Variants in TMEM26 observed in about 807,000 individuals in gnomAD.
TMEM26 encodes the protein transmembrane protein 26.
TMEM26 carries 38 observed loss-of-function variants against 28.8 expected under a neutral mutation model. The observed-to-expected ratio is 1.32, with a 90% confidence interval of 1.02 to 1.73. The LOEUF is 1.73. Ranked by LOEUF, TMEM26 falls within the 40% of genes most tolerant of loss-of-function variation. TMEM26 has a pLI of 0.00. For synonymous variants in TMEM26, 227 were observed against 182.9 expected, an observed-to-expected ratio of 1.24 and a Z score of -1.95; for missense variants, 518 against 447.1, an observed-to-expected ratio of 1.16 and a Z score of -1.43.
At chr10:61,440,922 AG>A (rs1403380534) in intron 1 of TMEM26, among the ~76,000 whole-genome samples, 1 of 152,222 alleles carries the variant, frequency 6.6e-6, no homozygotes, top group African/African-American at 2.4e-5. Flanking sequence ...AAGATAGTGT[AG>A]TATTTGCATA....
chr10:61,422,041 C>T (rs1470957375), intron 4 of TMEM26, among the ~76,000 whole-genome samples: 1 of 151,910 alleles, frequency 6.6e-6, no homozygotes, highest in Non-Finnish European at 1.5e-5. Flanking sequence ...AATTGACTTT[C>T]AGAAAAGAAA....
At chr10:61,429,408 T>C (rs1308995120) in intron 3 of TMEM26, among the ~76,000 whole-genome samples, 1 of 152,120 alleles carries the variant, frequency 6.6e-6, no homozygotes, top group Non-Finnish European at 1.5e-5. Context: ...TTGTACCATA[T>C]AGTATTTAAA....
intron 4 of TMEM26, chr10:61,414,142 A>G: frequency 1.4e-6 from 1 of 733,816 alleles, no homozygotes; most frequent in Non-Finnish European, 1.7e-6. Context: ...GATGGATACA[A>G]CATATATTTA....
At chr10:61,439,288 C>A (rs959610764) in intron 1 of TMEM26, among the ~76,000 whole-genome samples, 2 of 152,192 alleles carry the variant, frequency 1.3e-5, no homozygotes, top group Non-Finnish European at 2.9e-5. Context: ...CTAATGCAAG[C>A]TCCATGAAGG....
At chr10:61,433,051 C>T (rs1000784150) in intron 2 of TMEM26, among the ~76,000 whole-genome samples, 19 of 152,256 alleles carry the variant, frequency 1.2e-4, no homozygotes, top group African/African-American at 4.6e-4. Context: ...TGAAAACAGA[C>T]TATGTATTAA....
intron 4 of TMEM26, among the ~76,000 whole-genome samples, chr10:61,417,711 T>A (rs977541157): frequency 4.6e-5 from 7 of 151,998 alleles, no homozygotes; most frequent in Admixed American, 4.6e-4. Context: ...TTCTTTTTAG[T>A]ACATGATCTA....
chr10:61,438,517 A>C (rs1001601042), intron 1 of TMEM26, among the ~76,000 whole-genome samples: 12 of 152,214 alleles, frequency 7.9e-5, no homozygotes, highest in African/African-American at 2.9e-4. Context: ...TAATGTAACA[A>C]TAATAATCTA....
intron 1 of TMEM26, among the ~76,000 whole-genome samples, chr10:61,438,049 T>A (rs1169780835): frequency 6.6e-6 from 1 of 152,162 alleles, no homozygotes; most frequent in Admixed American, 6.5e-5. Flanking sequence ...ATGATTTTTT[T>A]AAAGGCTATT....
At chr10:61,425,901 G>A (rs1035335876) in intron 4 of TMEM26, among the ~76,000 whole-genome samples, 29 of 152,148 alleles carry the variant, frequency 1.9e-4, no homozygotes, top group Admixed American at 2.6e-4. Context: ...AAAAATTAAA[G>A]CTATACTTAA....
At chr10:61,419,071 G>T (rs1260313139) in intron 4 of TMEM26, among the ~76,000 whole-genome samples, 1 of 151,984 alleles carries the variant, frequency 6.6e-6, no homozygotes, top group African/African-American at 2.4e-5. Context: ...AATAAAACTA[G>T]GAATTTTTAA....
chr10:61,428,267 G>T (rs530864124), intron 4 of TMEM26, among the ~76,000 whole-genome samples: 1 of 152,038 alleles, frequency 6.6e-6, no homozygotes, highest in African/African-American at 2.4e-5. Flanking sequence ...AAGTCGTTCC[G>T]TAAACAGATG....
chr10:61,445,791 T>G (rs986564862), intron 1 of TMEM26, among the ~76,000 whole-genome samples: 1 of 152,156 alleles, frequency 6.6e-6, no homozygotes, highest in Admixed American at 6.5e-5. Flanking sequence ...GTGGGGAATA[T>G]ACACATGGGG....
At chr10:61,417,691 G>A (rs1839676337) in intron 4 of TMEM26, among the ~76,000 whole-genome samples, 1 of 151,990 alleles carries the variant, frequency 6.6e-6, no homozygotes, top group Non-Finnish European at 1.5e-5. Context: ...GTAATGCTGT[G>A]AGAATAGAAT....
chr10:61,441,692 C>G (rs1412284823), intron 1 of TMEM26, among the ~76,000 whole-genome samples: 1 of 152,106 alleles, frequency 6.6e-6, no homozygotes, highest in East Asian at 1.9e-4. Context: ...GTATATGATT[C>G]AATGACTAAT....
chr10:61,412,819 C>T (rs1839589048), intron 5 of TMEM26: 9 of 423,930 alleles, frequency 2.1e-5, no homozygotes, highest in East Asian at 1.1e-4. Context: ...TTGGTGGGTC[C>T]CCTGTTGAAC....
At position 61,410,464 on chromosome 10, in the gene TMEM26, A is replaced by T. The variant is rs749825520; in HGVS notation, c.965T>A (p.Leu322Gln). 6.2e-7 allele frequency: 1 copy of T among 1,614,124 alleles called. No homozygotes were observed. Among genetic ancestry groups the T allele is most frequent in the East Asian group, 2.2e-5 (1 of 44,856 alleles). ...RASLRSQSEG[L>Q]KGEHGCRAQT... ...TGCCCGGCAACCATGTTCTCCTTTC[A>T]GGCCTTCTGACTGACTTCTCAACGA... Residue 322 changes from leucine (L) to glutamine (Q), a missense_variant, in exon 6 of 6, where the codon CTG becomes CAG. Coordinates refer to ENST00000399298, the MANE Select transcript of TMEM26 (RefSeq NM_178505.8).
At chr10:61,434,996 C>T (rs1310199195) in intron 2 of TMEM26, among the ~76,000 whole-genome samples, 1 of 152,158 alleles carries the variant, frequency 6.6e-6, no homozygotes, top group African/African-American at 2.4e-5. Context: ...GTAACATAGT[C>T]CTGTAACCTG....
At position 61,410,515 on chromosome 10, in the gene TMEM26, A is replaced by T; in HGVS notation, c.914T>A (p.Val305Glu). The change falls in exon 6 of 6, where the codon GTG (valine) becomes GAG (glutamate). Residue 305 changes from valine to glutamate, a missense_variant. By Grantham distance (121) the Val-to-Glu change is moderately radical (BLOSUM62 -2). Coordinates refer to ENST00000399298, the MANE Select transcript of TMEM26 (RefSeq NM_178505.8). ...AGCACGGACTGCCAATGCCAGCACC[A>T]CCAAGCGGTAGAGTTGCAACACCAC... ...LVVVLQLYRL[V>E]VLALAVRASL... 3 of 1,614,114 alleles carry T rather than the reference A, an allele frequency of 1.9e-6. No homozygotes were observed. Among genetic ancestry groups the T allele is most frequent in the Non-Finnish European group, 2.5e-6 (3 of 1,180,032 alleles).
intron 1 of TMEM26, among the ~76,000 whole-genome samples, chr10:61,438,317 T>G (rs954771013): frequency 6.6e-6 from 1 of 152,196 alleles, no homozygotes; most frequent in African/African-American, 2.4e-5. Context: ...AATTAACTTT[T>G]TGACCTCACA....
Sources: gnomAD v4.1 joint callset for allele counts (sites outside exome capture counted in the v4.1 genomes callset) on GRCh38, gnomAD v4.1.1 for gene constraint, MANE v1.5 for transcripts, NCBI Gene and HGNC (gene_info 2026-07-23, HGNC 2026-07-21) for gene names.